The following NOVA2 variants were observed in gnomAD, a reference collection of about 807,000 sequenced individuals.
NOVA2 encodes the protein NOVA alternative splicing regulator 2.
A neutral mutation model predicts 22.5 loss-of-function variants in NOVA2; 9 were observed. That is an observed-to-expected ratio of 0.40 (90% CI 0.24 to 0.70). NOVA2 has a LOEUF of 0.70. Ranked by LOEUF, NOVA2 falls within the 30% of genes least tolerant of loss-of-function variation. The pLI, the probability that NOVA2 is intolerant of heterozygous loss-of-function variation, is 0.38. For synonymous variants in NOVA2, 318 were observed against 335.2 expected, an observed-to-expected ratio of 0.95 and a Z score of 0.56; for missense variants, 383 against 682.8, an observed-to-expected ratio of 0.56 and a Z score of 4.89.
chr19:45,973,305 G>T lies in NOVA2; in HGVS notation c.47C>A (p.Pro16His). The T allele has an allele frequency of 7.5e-7, 1 of 1,336,384 alleles. No homozygotes were observed. The highest frequency in any genetic ancestry group is 2.9e-5 in the East Asian group (1 of 34,408). 82.8% of individuals were successfully genotyped at this position (1,336,384 alleles called of 1,614,324 possible). A position where few individuals can be genotyped will look rare whatever the true frequency, so the allele number is the denominator to read the frequency against. Residue 16 changes from proline to histidine, a missense_variant, in exon 1 of 4, where the codon CCC becomes CAC. By Grantham distance (77) the Pro-to-His change is moderately conservative. This residue lies in a region of NOVA2 where 349 missense variants were observed against 578.1 expected (regional missense o/e 0.60). Coordinates refer to ENST00000263257, the MANE Select transcript of NOVA2 (RefSeq NM_002516.4). The stretch of plus-strand genomic sequence containing the variant: ...GCGCTTGGTGCAGACCACCTCGGGG[G>T]GCGTTTCGAGGGGCCTCTTGCGGGA... ...PDSRKRPLET[P>H]PEVVCTKRSN...
At chr19:45,941,380 G>C (rs1272012412) in intron 3 of NOVA2, among the ~76,000 whole-genome samples, 2 of 151,466 alleles carry the variant, frequency 1.3e-5, no homozygotes, top group Non-Finnish European at 2.9e-5. Flanking sequence ...TGTTGCCCAG[G>C]CTGGTCTTGA....
chr19:45,968,236 G>A (rs1968190863), intron 1 of NOVA2, among the ~76,000 whole-genome samples: 1 of 152,034 alleles, frequency 6.6e-6, no homozygotes, highest in Non-Finnish European at 1.5e-5. Context: ...AGGGAGAGCT[G>A]GCATGTTCTA....
At chr19:45,951,724 G>A (rs1056649595) in intron 3 of NOVA2, among the ~76,000 whole-genome samples, 1 of 152,120 alleles carries the variant, frequency 6.6e-6, no homozygotes. Flanking sequence ...TTGAGCCTGG[G>A]ATGTCGAGGC....
intron 3 of NOVA2, among the ~76,000 whole-genome samples, chr19:45,945,654 T>C (rs1022452359): frequency 2.0e-5 from 3 of 152,060 alleles, no homozygotes; most frequent in Admixed American, 6.5e-5. Context: ...TATATCTCAA[T>C]AAAGCTGTCA....
At position 45,940,218 on chromosome 19, in the gene NOVA2, C is replaced by G. The variant is rs545814576; in HGVS notation, c.1124G>C (p.Gly375Ala). 5.6e-4 allele frequency: 628 copies of G among 1,129,778 alleles called. 4 individuals are homozygous for G. The African/African-American group carries it at 9.7e-3, about 17-fold the overall frequency. 70.0% of individuals were successfully genotyped at this position (1,129,778 alleles called of 1,614,324 possible). ...GGCCACCAGCGGGCCGCCCCCTCCG[C>G]CCGCCCCGCCGCCCGCCCCGGCCCC... Reference protein sequence around the residue: ...YLGAGAGGGAGGGGGPLVAAA... With the variant: ...YLGAGAGGGAAGGGGPLVAAA... The change falls in exon 4 of 4, where the codon GGC (glycine) becomes GCC (alanine). Residue 375 changes from glycine (G) to alanine (A), a missense_variant. Gly to Ala is a moderately conservative substitution (Grantham distance 60). Transcript: ENST00000263257.
chr19:45,942,435 T>A (rs1221423240), intron 3 of NOVA2, among the ~76,000 whole-genome samples: 2 of 152,108 alleles, frequency 1.3e-5, no homozygotes. Context: ...GATCTTGGAC[T>A]TCTGGCCTCC....
At chr19:45,950,963 C>T (rs1967916457) in intron 3 of NOVA2, among the ~76,000 whole-genome samples, 1 of 152,106 alleles carries the variant, frequency 6.6e-6, no homozygotes, top group South Asian at 2.1e-4. Context: ...AGGATCTGAT[C>T]CCGGGCCAGA....
intron 1 of NOVA2, among the ~76,000 whole-genome samples, chr19:45,971,679 G>A (rs1361525809): frequency 6.6e-6 from 1 of 152,128 alleles, no homozygotes; most frequent in Non-Finnish European, 1.5e-5. Flanking sequence ...TGGCGGAGAG[G>A]AAAGGGTGCA....
intron 1 of NOVA2, among the ~76,000 whole-genome samples, chr19:45,972,237 C>T (rs145869314): frequency 2.0e-5 from 3 of 152,236 alleles, no homozygotes; most frequent in African/African-American, 7.2e-5. Context: ...TCGTCATACA[C>T]CCACCTTCCC....
rs929873438 is a variant in NOVA2, at chr19:45,935,110, G to A, written c.*4753C>T. Reference sequence around the variant, plus strand: ...GTCACTTAGAAGATGAGAGGTTGGTGGTTTTGGGGGGAGAGGTGGGGTAGG... The same window carrying A: ...GTCACTTAGAAGATGAGAGGTTGGTAGTTTTGGGGGGAGAGGTGGGGTAGG... On this transcript the variant is annotated 3_prime_UTR_variant, in exon 4 of 4. Coordinates refer to ENST00000263257, the MANE Select transcript of NOVA2 (RefSeq NM_002516.4). 2 of 145,948 alleles carry A rather than the reference G, an allele frequency of 1.4e-5. No homozygotes were observed. The highest frequency in any genetic ancestry group is 5.1e-5 in the African/African-American group (2 of 39,532). 9.0% of individuals were successfully genotyped at this position (145,948 alleles called of 1,614,324 possible).
intron 3 of NOVA2, among the ~76,000 whole-genome samples, chr19:45,949,242 C>A (rs1441900580): frequency 1.4e-5 from 2 of 143,890 alleles, no homozygotes; most frequent in Admixed American, 7.2e-5. Context: ...TGTGAACATA[C>A]AACAAAACTA....
intron 2 of NOVA2, among the ~76,000 whole-genome samples, chr19:45,954,646 G>A (rs1967976630): frequency 6.6e-6 from 1 of 152,088 alleles, no homozygotes; most frequent in Non-Finnish European, 1.5e-5. Flanking sequence ...GAGGAGTGAG[G>A]ACCAAGGAAC....
At position 45,939,380 on chromosome 19, in the gene NOVA2, G is replaced by A. The variant is rs907368871; in HGVS notation, c.*483C>T. Reference sequence around the variant, plus strand: ...AGAACTGAAAGCAGAGAGGTGGGGTGTTGTGTTTTGGGAAGGCCCCTCATT... The same window carrying A: ...AGAACTGAAAGCAGAGAGGTGGGGTATTGTGTTTTGGGAAGGCCCCTCATT... On this transcript the variant is annotated 3_prime_UTR_variant, in exon 4 of 4. Transcript: ENST00000263257. 6 of 148,938 alleles carry A rather than the reference G, an allele frequency of 4.0e-5. No homozygotes were observed. The highest frequency in any genetic ancestry group is 1.5e-4 in the African/African-American group (6 of 39,800). 9.2% of individuals were successfully genotyped at this position (148,938 alleles called of 1,614,324 possible).
intron 2 of NOVA2, among the ~76,000 whole-genome samples, chr19:45,956,141 C>G (rs1027285395): frequency 2.0e-5 from 3 of 152,142 alleles, no homozygotes; most frequent in Non-Finnish European, 4.4e-5. Context: ...ACTACCCCCC[C>G]TTCCCCACCC....
chr19:45,966,205 T>C (rs924016753), intron 1 of NOVA2, among the ~76,000 whole-genome samples: 4 of 152,206 alleles, frequency 2.6e-5, no homozygotes, highest in African/African-American at 9.6e-5. Flanking sequence ...AATTCCTGTC[T>C]TTCTCATGCC....
rs1395672224 is a variant in NOVA2 at position 45,933,880 on chromosome 19, T to A, written c.*5983A>T. 2 of 52,656 alleles carry A rather than the reference T, an allele frequency of 3.8e-5. No homozygotes were observed. Among genetic ancestry groups the A allele is most frequent in the African/African-American group, 7.8e-5 (1 of 12,802 alleles). 3.3% of individuals were successfully genotyped at this position (52,656 alleles called of 1,614,324 possible). ...TCACACAACGGACACTGGGGGTGGGTGAGTGGGTGGGGTGGGCGTGGCCCA... is the reference window on the plus strand; with the variant it reads ...TCACACAACGGACACTGGGGGTGGGAGAGTGGGTGGGGTGGGCGTGGCCCA... On this transcript the variant is annotated 3_prime_UTR_variant, in exon 4 of 4. Transcript: ENST00000263257.
chr19:45,972,241 C>A (rs1968242132), intron 1 of NOVA2, among the ~76,000 whole-genome samples: 1 of 152,104 alleles, frequency 6.6e-6, no homozygotes, highest in Non-Finnish European at 1.5e-5. Context: ...CATACACCCA[C>A]CTTCCCTGTT....
rs1334272295 is a variant in NOVA2 at position 45,935,649 on chromosome 19, C to G, written c.*4214G>C. The G allele has an allele frequency of 5.3e-5, 8 of 152,374 alleles. No homozygotes were observed. Among genetic ancestry groups the G allele is most frequent in the Non-Finnish European group, 1.2e-4 (8 of 68,086 alleles). The allele number at this position is 152,374 out of a possible 1,614,324, so 9.4% of individuals were successfully genotyped here. A position where few individuals can be genotyped will look rare whatever the true frequency, so the allele number is the denominator to read the frequency against. Reference sequence around the variant, plus strand: ...ATCCTCATCGCCACTCTTGTTAATACTTTTGCCACTGCACAGTCTATCACA... The same window carrying G: ...ATCCTCATCGCCACTCTTGTTAATAGTTTTGCCACTGCACAGTCTATCACA... On this transcript the variant is annotated 3_prime_UTR_variant, in exon 4 of 4. Transcript: ENST00000263257.
intron 1 of NOVA2, among the ~76,000 whole-genome samples, chr19:45,962,960 GT>G (rs1185982564): frequency 1.3e-5 from 2 of 151,676 alleles, no homozygotes; most frequent in African/African-American, 4.8e-5. Flanking sequence ...TTATAAACCA[GT>G]TTTTTTGACC....
Sources: allele counts gnomAD v4.1 joint callset (sites outside exome capture counted in the v4.1 genomes callset), GRCh38; gene constraint gnomAD v4.1.1; regional missense constraint gnomAD v4.1.1; transcripts MANE v1.5; gene names NCBI Gene and HGNC (gene_info 2026-07-23, HGNC 2026-07-21).